PRKCA: variants seen among roughly 807,000 people sequenced by gnomAD.
PRKCA encodes the protein protein kinase C alpha type.
In PRKCA, 27 loss-of-function variants were observed where a neutral mutation model predicts 87.0. The observed-to-expected ratio is 0.31, with a 90% confidence interval of 0.23 to 0.43. PRKCA has a LOEUF of 0.43. Ranked by LOEUF, PRKCA falls within the 20% of genes least tolerant of loss-of-function variation. The pLI, the probability that PRKCA is intolerant of heterozygous loss-of-function variation, is 1.00. For missense variants in PRKCA, 518 were observed against 852.3 expected, an observed-to-expected ratio of 0.61 and a Z score of 4.88; for synonymous variants, 329 against 311.1, an observed-to-expected ratio of 1.06 and a Z score of -0.61.
At chr17:66,338,035 T>C (rs1341648010) in intron 2 of PRKCA, among the ~76,000 whole-genome samples, 1 of 125,616 alleles carries the variant, frequency 8.0e-6, no homozygotes, top group Non-Finnish European at 1.6e-5. Context: ...TCCAATTGAG[T>C]AGTGATTTTT....
At chr17:66,539,505 G>A (rs1024629143) in intron 3 of PRKCA, among the ~76,000 whole-genome samples, 6 of 151,464 alleles carry the variant, frequency 4.0e-5, no homozygotes, top group African/African-American at 4.9e-5. Flanking sequence ...TCAGGTTCAC[G>A]CCATTCTCCT....
At chr17:66,716,504 G>A (rs1430611041) in intron 8 of PRKCA, among the ~76,000 whole-genome samples, 3 of 152,120 alleles carry the variant, frequency 2.0e-5, no homozygotes, top group African/African-American at 7.2e-5. Context: ...GGTCATTGGT[G>A]GGGAATCCTC....
intron 2 of PRKCA, among the ~76,000 whole-genome samples, chr17:66,318,939 G>A (rs1243596180): frequency 6.5e-5 from 9 of 139,310 alleles, no homozygotes; most frequent in Admixed American, 2.3e-4. Flanking sequence ...TGGGTAACAC[G>A]GCAAAAACCT....
At chr17:66,769,940 C>G (rs1249432319) in intron 13 of PRKCA, among the ~76,000 whole-genome samples, 1 of 152,202 alleles carries the variant, frequency 6.6e-6, no homozygotes, top group Admixed American at 6.5e-5. Context: ...TGATGTTTGC[C>G]TACTACCCTA....
At chr17:66,328,715 T>C (rs1169792844) in intron 2 of PRKCA, among the ~76,000 whole-genome samples, 1 of 152,108 alleles carries the variant, frequency 6.6e-6, no homozygotes, top group African/African-American at 2.4e-5. Flanking sequence ...GGAGAATCTT[T>C]TGAATCTGGG....
chr17:66,645,300 A>C lies in PRKCA; in HGVS notation c.401-83A>C. 2.5e-6 allele frequency: 4 copies of C among 1,588,472 alleles called. No individual in the cohort carries two copies. The Admixed American group carries it at 5.2e-5, about 20-fold the overall frequency. ...ATCGAGTTGGGGGTAACTCATTTTC[A>C]CTTGTGCTCATGCACCAAAACACTG... On this transcript the variant is annotated intron_variant, in intron 4 of 16. Transcript: ENST00000413366.
chr17:66,346,989 C>T (rs1338120150), intron 2 of PRKCA, among the ~76,000 whole-genome samples: 2 of 151,480 alleles, frequency 1.3e-5, no homozygotes, highest in Non-Finnish European at 2.9e-5. Flanking sequence ...CAAGATCATG[C>T]CACTGCACTC....
chr17:66,762,885 G>A (rs935116274), intron 13 of PRKCA, among the ~76,000 whole-genome samples: 49 of 152,290 alleles, frequency 3.2e-4, no homozygotes, highest in African/African-American at 1.2e-3. Context: ...CTACCTCCCG[G>A]GTTCAAGCGA....
At chr17:66,671,016 T>A (rs1234777173) in intron 5 of PRKCA, among the ~76,000 whole-genome samples, 11 of 150,778 alleles carry the variant, frequency 7.3e-5, no homozygotes, top group African/African-American at 2.7e-4. Flanking sequence ...TCGAGACCAG[T>A]CTGGCCAACC....
intron 3 of PRKCA, among the ~76,000 whole-genome samples, chr17:66,502,580 C>T (rs1192944788): frequency 6.6e-6 from 1 of 151,954 alleles, no homozygotes; most frequent in Non-Finnish European, 1.5e-5. Flanking sequence ...GAGAAAGCTA[C>T]AAAGCAGCAC....
chr17:66,682,285 G>A (rs538838114), intron 5 of PRKCA, among the ~76,000 whole-genome samples: 5 of 152,270 alleles, frequency 3.3e-5, no homozygotes, highest in South Asian at 4.1e-4. Context: ...TCTCAGTGCC[G>A]GGCTTGACAG....
chr17:66,776,851 C>T (rs868272999), intron 14 of PRKCA, among the ~76,000 whole-genome samples: 11 of 152,154 alleles, frequency 7.2e-5, no homozygotes, highest in African/African-American at 2.4e-4. Context: ...TTGGGAGGGG[C>T]GGCATGTGCA....
At chr17:66,404,911 G>A (rs987411050) in intron 2 of PRKCA, among the ~76,000 whole-genome samples, 52 of 151,706 alleles carry the variant, frequency 3.4e-4, no homozygotes, top group African/African-American at 1.3e-3. Flanking sequence ...CACCACGCCC[G>A]GCTAATTTTT....
In PRKCA at chr17:66,490,397, G is replaced by A. The variant is rs146549226; in HGVS notation, c.206-5804G>A. On this transcript the variant is annotated intron_variant, in intron 2 of 16. Coordinates refer to ENST00000413366, the MANE Select transcript of PRKCA (RefSeq NM_002737.3). ...TTGCTCTTGCTACCCATGCTGGAGTGCAATGGCAGGATCTCAGCTCACTGC... is the reference window on the plus strand; with the variant it reads ...TTGCTCTTGCTACCCATGCTGGAGTACAATGGCAGGATCTCAGCTCACTGC... 7.1e-3 allele frequency among the ~76,000 whole-genome samples: 1,050 copies of A among 148,916 alleles called. 32 individuals carry two copies. The highest frequency in any genetic ancestry group is 0.043 in the Admixed American group (647 of 14,948).
rs533555530 is a variant in PRKCA, at chr17:66,350,012, G to A, written c.205+43885G>A. On this transcript the variant is annotated intron_variant, in intron 2 of 16. Coordinates refer to ENST00000413366, the MANE Select transcript of PRKCA (RefSeq NM_002737.3). ...CCGGCGTGTGTGGGGAAAGGAGAGA[G>A]GGGGCAGCTGAGCACCTAATGGGCA... Among the ~76,000 whole-genome samples, 93 of 152,110 alleles carry A rather than the reference G, an allele frequency of 6.1e-4. 1 individual carries two copies. The Middle Eastern group carries it at 0.024, about 39-fold the overall frequency.
At chr17:66,586,053 A>G (rs9646423) in intron 3 of PRKCA, among the ~76,000 whole-genome samples, 33,475 of 152,188 alleles carry the variant, frequency 0.22, 3,867 homozygotes, top group South Asian at 0.33. Context: ...ATGGTTTAAC[A>G]TATTCAATAA....
intron 5 of PRKCA, among the ~76,000 whole-genome samples, chr17:66,649,890 C>T (rs1367195013): frequency 6.6e-6 from 1 of 152,070 alleles, no homozygotes; most frequent in African/African-American, 2.4e-5. Context: ...GAGGGAAGGA[C>T]CCTGTGGAGA....
At chr17:66,336,654 CATTTGCCTATATAGTAAATTATT>C (rs1437943149) in intron 2 of PRKCA, among the ~76,000 whole-genome samples, 108 of 131,962 alleles carry the variant, frequency 8.2e-4, no homozygotes, top group African/African-American at 3.9e-3. Context: ...AATTATTAAA[CATTTGCCTATATAGTAAATTATT>C]AAACATTTGC....
At chr17:66,706,895 G>A (rs550239033) in intron 8 of PRKCA, among the ~76,000 whole-genome samples, 13 of 152,268 alleles carry the variant, frequency 8.5e-5, no homozygotes, top group Admixed American at 3.9e-4. Context: ...TAAAAAGTTT[G>A]TGACCTCTGG....
Sources: gnomAD v4.1 joint callset for allele counts (sites outside exome capture counted in the v4.1 genomes callset) on GRCh38, gnomAD v4.1.1 for gene constraint, MANE v1.5 for transcripts, NCBI Gene and HGNC (gene_info 2026-07-23, HGNC 2026-07-21) for gene names.